The following SEMA4D variants were observed in gnomAD, a reference collection of about 807,000 sequenced individuals.
SEMA4D encodes semaphorin-4D.
In SEMA4D, 22 loss-of-function variants were observed where a neutral mutation model predicts 74.8. That is an observed-to-expected ratio of 0.29 (90% CI 0.21 to 0.42). The LOEUF is 0.42. SEMA4D is among the 10% of genes least tolerant of loss of function. SEMA4D has a pLI of 1.00. For synonymous variants in SEMA4D, 445 were observed against 463.7 expected (o/e 0.96, Z 0.52); for missense variants, 937 against 1,118.4 (o/e 0.84, Z 2.31).
At chr9:89,422,062 A>G (rs1291476480) in intron 2 of SEMA4D, among the ~76,000 whole-genome samples, 1 of 152,276 alleles carries the variant, frequency 6.6e-6, no homozygotes, top group Non-Finnish European at 1.5e-5. Context: ...AAATTCAAGA[A>G]AGGCAAGAGA....
intron 1 of SEMA4D, among the ~76,000 whole-genome samples, chr9:89,488,657 G>A (rs1366811326): frequency 6.6e-6 from 1 of 152,150 alleles, no homozygotes; most frequent in Non-Finnish European, 1.5e-5. Flanking sequence ...ACAGGCGTGA[G>A]CCACCACGCC....
chr9:89,433,182 G>A (rs1322219890), intron 2 of SEMA4D, among the ~76,000 whole-genome samples: 1 of 152,326 alleles, frequency 6.6e-6, no homozygotes. Context: ...GCTGGAGCAC[G>A]GATGTATGCA....
At chr9:89,413,887 C>A (rs552393646) in intron 2 of SEMA4D, among the ~76,000 whole-genome samples, 1 of 152,120 alleles carries the variant, frequency 6.6e-6, no homozygotes, top group Non-Finnish European at 1.5e-5. Flanking sequence ...CATGTATGTG[C>A]GCATCTGTGT....
intron 1 of SEMA4D, among the ~76,000 whole-genome samples, chr9:89,467,173 G>C (rs977675565): frequency 2.0e-5 from 3 of 152,168 alleles, no homozygotes; most frequent in Middle Eastern, 3.2e-3. Context: ...GCCACACAAG[G>C]ACATGGGTAC....
intron 2 of SEMA4D, among the ~76,000 whole-genome samples, chr9:89,434,227 G>A (rs1849898478): frequency 6.6e-6 from 1 of 152,110 alleles, no homozygotes; most frequent in African/African-American, 2.4e-5. Flanking sequence ...TCTCCACGAT[G>A]CATGCTGCCC....
At chr9:89,367,208 G>A (rs551454512) in intron 16 of SEMA4D, 1 of 152,668 alleles carries the variant, frequency 6.6e-6, no homozygotes, top group African/African-American at 2.4e-5. Context: ...AGTGTGCAGG[G>A]CCACCCCATC....
downstream of SEMA4D, among the ~76,000 whole-genome samples, chr9:89,373,606 G>T (rs924663171): frequency 6.6e-6 from 1 of 152,228 alleles, no homozygotes; most frequent in Non-Finnish European, 1.5e-5. Flanking sequence ...ATATTCTAAA[G>T]ACACTTTGCT....
intron 10 of SEMA4D, 37 bp from the exon 11 acceptor site, chr9:89,388,829 G>A (rs1839155601): frequency 6.2e-7 from 1 of 1,606,774 alleles, no homozygotes. Context: ...CCACCTGGCG[G>A]CATCAAGGGA....
intron 2 of SEMA4D, among the ~76,000 whole-genome samples, chr9:89,428,554 G>A (rs1442444324): frequency 1.3e-5 from 2 of 152,230 alleles, no homozygotes; most frequent in African/African-American, 4.8e-5. Context: ...ATCACAGGCA[G>A]GAGGAGAATG....
intron 2 of SEMA4D, among the ~76,000 whole-genome samples, chr9:89,413,853 CG>C (rs1428687530): frequency 6.6e-6 from 1 of 151,968 alleles, no homozygotes; most frequent in Non-Finnish European, 1.5e-5. Context: ...CATCTGTGTG[CG>C]CATCTGTGTA....
chr9:89,386,276 A>G (rs1838462688), intron 13 of SEMA4D, 91 bp downstream of exon 13: 2 of 1,114,602 alleles, frequency 1.8e-6, no homozygotes, highest in East Asian at 2.5e-5. Context: ...CCTGCCCAGG[A>G]GCCCGACTCC....
downstream of SEMA4D, chr9:89,376,810 GGGACA>G (rs1564513005): frequency 8.4e-6 from 13 of 1,539,560 alleles, no homozygotes; most frequent in Non-Finnish European, 1.1e-5. Context: ...CAGGGCACAG[GGGACA>G]GAGAGGGCCC....
At chr9:89,420,135 GC>G (rs769098364) in intron 2 of SEMA4D, among the ~76,000 whole-genome samples, 19 of 152,206 alleles carry the variant, frequency 1.2e-4, no homozygotes, top group Non-Finnish European at 2.1e-4. Context: ...CTTGTGTCCT[GC>G]CTCCCAGCTG....
chr9:89,363,778 G>A, exon 17 of SEMA4D: 1 of 1,613,776 alleles, frequency 6.2e-7, no homozygotes, highest in Non-Finnish European at 8.5e-7. Flanking sequence ...TCGAAGTCTT[G>A]TTCCCTGCTG....
chr9:89,430,433 A>G (rs537830877), intron 2 of SEMA4D, among the ~76,000 whole-genome samples: 5 of 152,252 alleles, frequency 3.3e-5, no homozygotes, highest in African/African-American at 1.2e-4. Flanking sequence ...CCAGACGCAA[A>G]ACCCACCCAG....
At chr9:89,423,761 C>T (rs567557369) in intron 2 of SEMA4D, among the ~76,000 whole-genome samples, 4 of 138,838 alleles carry the variant, frequency 2.9e-5, no homozygotes, top group African/African-American at 7.4e-5. Context: ...TACCTCAGCA[C>T]CTCCCCTCCC....
At position 89,487,704 on chromosome 9, in the gene SEMA4D, T is replaced by C. The variant is rs534634531; in HGVS notation, c.-310+10215A>G. Among the ~76,000 whole-genome samples the C allele has an allele frequency of 1.6e-4, 25 of 152,318 alleles. No individual in the cohort carries two copies. In the East Asian group the frequency reaches 4.4e-3, roughly 27 times the overall value. On this transcript the variant is annotated intron_variant, in intron 1 of 15. Coordinates refer to ENST00000422704, the MANE Select transcript of SEMA4D (RefSeq NM_001371194.2). ...ATAAACAAAAAATAGAAAAAATCAA[T>C]TGTATTTCTATATATCGCAATTAAC...
At chr9:89,398,122 C>T (rs974148109) in intron 5 of SEMA4D, among the ~76,000 whole-genome samples, 1 of 152,160 alleles carries the variant, frequency 6.6e-6, no homozygotes. Flanking sequence ...GTGAGAACTT[C>T]TATCCCTGTT....
intron 12 of SEMA4D, 108 bp from the exon 13 acceptor site, chr9:89,386,590 A>C: frequency 1.5e-6 from 1 of 658,060 alleles, no homozygotes; most frequent in South Asian, 1.8e-5. Context: ...CATTCCCTCC[A>C]CAGATACTTA....
Sources: allele counts gnomAD v4.1 joint callset (sites outside exome capture counted in the v4.1 genomes callset), GRCh38; gene constraint gnomAD v4.1.1; transcripts MANE v1.5; gene names NCBI Gene and HGNC (gene_info 2026-07-23, HGNC 2026-07-21).